UBASH3B: variants seen among roughly 807,000 people sequenced by gnomAD.
UBASH3B encodes the protein ubiquitin-associated and SH3 domain-containing protein B.
Under a neutral mutation model 83.4 loss-of-function variants are expected in UBASH3B, and 37 were observed. The ratio of observed to expected loss-of-function variants is 0.44; its 90% CI spans 0.34 to 0.58. UBASH3B has a LOEUF of 0.58. Among genes scored for constraint, UBASH3B ranks in the 20% least tolerant of loss-of-function variants. The probability of loss-of-function intolerance (pLI) is 0.01; values close to 1 mark genes in which losing one functional copy is unlikely to be tolerated. For synonymous variants in UBASH3B, 304 were observed against 318.3 expected, an observed-to-expected ratio of 0.96 and a Z score of 0.48; for missense variants, 657 against 827.2, an observed-to-expected ratio of 0.79 and a Z score of 2.52.
intron 3 of UBASH3B, among the ~76,000 whole-genome samples, chr11:122,778,204 T>C (rs867266047): frequency 6.6e-6 from 1 of 152,346 alleles, no homozygotes; most frequent in Middle Eastern, 3.4e-3. Flanking sequence ...TCCCCAGATA[T>C]ATTCTCTCTC....
chr11:122,669,525 T>C (rs939915554), intron 1 of UBASH3B, among the ~76,000 whole-genome samples: 1 of 152,208 alleles, frequency 6.6e-6, no homozygotes, highest in Non-Finnish European at 1.5e-5. Context: ...GATTAGGACA[T>C]GGACAGCTTT....
intron 1 of UBASH3B, among the ~76,000 whole-genome samples, chr11:122,765,827 T>C (rs1228335597): frequency 6.6e-6 from 1 of 152,168 alleles, no homozygotes; most frequent in African/African-American, 2.4e-5. Context: ...GCTATGATTG[T>C]GGCTTTAGTG....
intron 1 of UBASH3B, among the ~76,000 whole-genome samples, chr11:122,668,294 G>A (rs1863548607): frequency 6.6e-6 from 1 of 152,188 alleles, no homozygotes; most frequent in Non-Finnish European, 1.5e-5. Context: ...GGCCGAGTCA[G>A]CTTTCTAACA....
At chr11:122,776,977 C>T (rs774666890) in intron 2 of UBASH3B, 47 bp from the exon 3 acceptor site, 1 of 1,509,270 alleles carries the variant, frequency 6.6e-7, no homozygotes, top group Non-Finnish European at 8.9e-7. Context: ...TTTTTCCCCT[C>T]CCATTATTCT....
rs376502042 is a variant in UBASH3B at position 122,779,178 on chromosome 11, A to G, written c.403-319A>G. 3.9e-5 allele frequency among the ~76,000 whole-genome samples: 6 copies of G among 152,128 alleles called. No individual in the cohort carries two copies. In the East Asian group the frequency reaches 1.2e-3, roughly 29 times the overall value. ...TGAAGTTTTACGTCCTTTGACCAAT[A>G]TCTCCCCAATCTCGCTCCCCTTTCT... On this transcript the variant is annotated intron_variant, in intron 3 of 13. Coordinates refer to ENST00000284273, the MANE Select transcript of UBASH3B (RefSeq NM_032873.5).
chr11:122,727,473 C>T (rs1049743659), intron 1 of UBASH3B: 2 of 152,048 alleles, frequency 1.3e-5, no homozygotes, highest in Non-Finnish European at 2.9e-5. Context: ...CCCCAAGATG[C>T]CTTCACTTCT....
intron 1 of UBASH3B, among the ~76,000 whole-genome samples, chr11:122,714,528 G>A (rs34907273): frequency 0.046 from 7,075 of 152,292 alleles, 157 homozygotes; most frequent in Middle Eastern, 0.065. Context: ...TGGCCCAGAG[G>A]CAGCGGGGTA....
chr11:122,679,795 A>G (rs753031572), intron 1 of UBASH3B, among the ~76,000 whole-genome samples: 58 of 152,148 alleles, frequency 3.8e-4, no homozygotes, highest in Non-Finnish European at 7.4e-5. Context: ...TCCATCAGTC[A>G]CAACATGTCA....
intron 11 of UBASH3B, among the ~76,000 whole-genome samples, chr11:122,803,249 A>T (rs1413198746): frequency 6.6e-6 from 1 of 152,222 alleles, no homozygotes; most frequent in Non-Finnish European, 1.5e-5. Flanking sequence ...TGTGAAAGGG[A>T]CAGCCCCGGA....
intron 1 of UBASH3B, among the ~76,000 whole-genome samples, chr11:122,699,491 C>CT (rs1384245527): frequency 6.6e-6 from 1 of 150,402 alleles, no homozygotes; most frequent in Non-Finnish European, 1.5e-5. Context: ...ACTGATTTTT[C>CT]TTTTTAAATC....
At position 122,783,011 on chromosome 11, in the gene UBASH3B, T is replaced by A. The variant is rs1232376451; in HGVS notation, c.602-42T>A. On this transcript the variant is annotated intron_variant, in intron 4 of 13. Transcript: ENST00000284273. ...CCTTAAGTCTTCACCATTGCTATCATCACCACCTTTTAATTACTGACCTTT... is the reference window on the plus strand; with the variant it reads ...CCTTAAGTCTTCACCATTGCTATCAACACCACCTTTTAATTACTGACCTTT... 3 of 1,592,866 alleles carry A rather than the reference T, an allele frequency of 1.9e-6. No homozygotes were observed. The African/African-American group carries it at 4.0e-5, about 21-fold the overall frequency.
At chr11:122,689,688 C>T (rs1191023074) in intron 1 of UBASH3B, among the ~76,000 whole-genome samples, 1 of 152,060 alleles carries the variant, frequency 6.6e-6, no homozygotes, top group Non-Finnish European at 1.5e-5. Flanking sequence ...GGGCTCTGGC[C>T]CCAGACTGCC....
At chr11:122,691,995 G>A (rs1206588926) in intron 1 of UBASH3B, among the ~76,000 whole-genome samples, 2 of 152,170 alleles carry the variant, frequency 1.3e-5, no homozygotes, top group African/African-American at 4.8e-5. Flanking sequence ...GTCCAGGCCA[G>A]AGTGGTAGTT....
rs573590485 is a variant in UBASH3B, at chr11:122,806,304, T to C, written c.1596-106T>C. 110 of 937,738 alleles carry C rather than the reference T, an allele frequency of 1.2e-4. No individual in the cohort carries two copies. In the South Asian group the frequency reaches 1.6e-3, roughly 14 times the overall value. The allele number at this position is 937,738 out of a possible 1,614,324, so 58.1% of individuals were successfully genotyped here. A position where few individuals can be genotyped will look rare whatever the true frequency, so the allele number is the denominator to read the frequency against. On this transcript the variant is annotated intron_variant, in intron 11 of 13. Transcript: ENST00000284273. The surrounding 1 kb of genome is among the most constrained non-coding windows in gnomAD (Gnocchi z 4.0). ...CTAGGGAAATGGATAAACAAACAGA[T>C]CTACGGGATCTTTAGAAATGCCTTG...
intron 1 of UBASH3B, among the ~76,000 whole-genome samples, chr11:122,767,161 C>G (rs1860556202): frequency 1.3e-5 from 2 of 151,886 alleles, no homozygotes; most frequent in Non-Finnish European, 2.9e-5. Flanking sequence ...GCCTGTAATC[C>G]CAGCTACTCG....
intron 1 of UBASH3B, among the ~76,000 whole-genome samples, chr11:122,744,311 G>C (rs1401200301): frequency 6.6e-6 from 1 of 152,166 alleles, no homozygotes; most frequent in East Asian, 1.9e-4. Context: ...ATGTGAATTT[G>C]AGTGTGATAG....
intron 11 of UBASH3B, among the ~76,000 whole-genome samples, chr11:122,803,306 G>GA (rs904568300): frequency 2.0e-5 from 3 of 152,194 alleles, no homozygotes; most frequent in African/African-American, 7.2e-5. Flanking sequence ...CAAGCCTTTG[G>GA]AAGCAAGGAA....
At chr11:122,714,995 G>C (rs1860487813) in intron 1 of UBASH3B, among the ~76,000 whole-genome samples, 1 of 152,168 alleles carries the variant, frequency 6.6e-6, no homozygotes, top group Non-Finnish European at 1.5e-5. Flanking sequence ...GCCCGGGCTG[G>C]AGTGCAGTGG....
intron 11 of UBASH3B, among the ~76,000 whole-genome samples, chr11:122,802,761 TC>T (rs1861280315): frequency 6.6e-6 from 1 of 152,130 alleles, no homozygotes; most frequent in Admixed American, 6.5e-5. Flanking sequence ...TTTTGTTCTA[TC>T]CCCTCTCTGG....
Sources: allele counts gnomAD v4.1 joint callset (sites outside exome capture counted in the v4.1 genomes callset), GRCh38; gene constraint gnomAD v4.1.1; non-coding constraint Gnocchi (gnomAD v3.1); transcripts MANE v1.5; gene names NCBI Gene and HGNC (gene_info 2026-07-23, HGNC 2026-07-21).